The following CHD9 variants were observed in gnomAD, a reference collection of about 807,000 sequenced individuals.
The protein encoded by CHD9 is ATP-dependent chromatin remodeler CHD9.
A neutral mutation model predicts 316.1 loss-of-function variants in CHD9; 77 were observed. The ratio of observed to expected loss-of-function variants is 0.24; its 90% CI spans 0.20 to 0.29. The LOEUF (loss-of-function observed/expected upper bound fraction) is 0.29. CHD9 is among the 10% of genes least tolerant of loss of function. The pLI is 1.00. For missense variants in CHD9, 2,763 were observed against 3,438.1 expected, an observed-to-expected ratio of 0.80 and a Z score of 4.91; for synonymous variants, 1,129 against 1,158.3, an observed-to-expected ratio of 0.97 and a Z score of 0.51.
At chr16:53,254,114 T>C (rs1318106574) in intron 17 of CHD9, among the ~76,000 whole-genome samples, 2 of 152,032 alleles carry the variant, frequency 1.3e-5, no homozygotes, top group Admixed American at 1.3e-4. Flanking sequence ...GAGGCGGAGG[T>C]TGCAGTGAGC....
chr16:53,208,727 CTG>C lies in CHD9; in HGVS notation c.1453-752_1453-751del, dbSNP rs1187544097. On this transcript the variant is annotated intron_variant, in intron 2 of 38. Coordinates refer to ENST00000447540, the MANE Select transcript of CHD9 (RefSeq NM_001308319.2). Reference sequence around the variant, plus strand: ...GTTTACGGGTAAGAACATAACAAAACTGTGATCTAAGTATATGTGGATGAATG... The same window carrying C: ...GTTTACGGGTAAGAACATAACAAAACTGATCTAAGTATATGTGGATGAATG... The C allele has an allele frequency of 3.0e-6, 3 of 985,294 alleles. No homozygotes were observed. The African/African-American group carries it at 5.2e-5, about 17-fold the overall frequency. The allele number at this position is 985,294 out of a possible 1,614,324, so 61.0% of individuals were successfully genotyped here. A position where few individuals can be genotyped will look rare whatever the true frequency, so the allele number is the denominator to read the frequency against.
rs2153080763 is a variant in CHD9 at position 53,303,946 on chromosome 16, C to T, written c.5940C>T (p.Ser1980=). 1.9e-6 allele frequency: 3 copies of T among 1,613,976 alleles called. No homozygotes were observed. The highest frequency in any genetic ancestry group is 1.7e-6 in the Non-Finnish European group (2 of 1,179,886). ...TTGGTGCTGCCAAACACGGGGTGAG[C>T]CGAACAGACTATCACATTCTTCGTG... The part of the protein sequence containing the change: ...LLIGAAKHGV[S]RTDYHILRDP... Residue 1980 remains serine (S), a synonymous_variant, in exon 31 of 39, where the codon AGC becomes AGT. Transcript: ENST00000447540.
At chr16:53,218,803 A>C (rs1016660364) in intron 3 of CHD9, among the ~76,000 whole-genome samples, 2 of 152,172 alleles carry the variant, frequency 1.3e-5, no homozygotes, top group Non-Finnish European at 2.9e-5. Flanking sequence ...TTGTTATTTA[A>C]ACAACTACAC....
At chr16:53,207,295 C>G (rs1378280153) in intron 2 of CHD9, among the ~76,000 whole-genome samples, 6 of 152,104 alleles carry the variant, frequency 3.9e-5, no homozygotes, top group African/African-American at 1.4e-4. Flanking sequence ...TTCAAGTTGA[C>G]TTGCTATGGA....
chr16:53,159,544 T>C (rs1410570602), intron 2 of CHD9, among the ~76,000 whole-genome samples: 2 of 152,232 alleles, frequency 1.3e-5, no homozygotes, highest in East Asian at 3.8e-4. Context: ...TTTTTCATTT[T>C]AAAGCCTTGA....
chr16:53,267,625 A>G (rs1301831196), intron 21 of CHD9, 135 bp downstream of exon 21: 7 of 669,836 alleles, frequency 1.0e-5, no homozygotes, highest in African/African-American at 3.7e-5. Context: ...TATTTTTAGC[A>G]TATATTTAAG....
intron 24 of CHD9, among the ~76,000 whole-genome samples, chr16:53,284,067 A>T (rs575162487): frequency 6.6e-6 from 1 of 152,118 alleles, no homozygotes; most frequent in Admixed American, 6.6e-5. Flanking sequence ...TAAAAATTTG[A>T]GTTTCCAAAG....
At chr16:53,238,821 A>G (rs896701198) in intron 12 of CHD9, among the ~76,000 whole-genome samples, 4 of 152,198 alleles carry the variant, frequency 2.6e-5, no homozygotes, top group African/African-American at 4.8e-5. Flanking sequence ...GATTTAAACA[A>G]TGCACGAGTT....
At chr16:53,319,741 A>G in intron 37 of CHD9, 1 of 785,862 alleles carries the variant, frequency 1.3e-6, no homozygotes, top group South Asian at 2.0e-5. Context: ...TAATTATTGT[A>G]ACTTCATGAG....
At chr16:53,170,049 G>GTTTTTTTTTTTTT (rs1402669050) in intron 2 of CHD9, among the ~76,000 whole-genome samples, 4 of 127,728 alleles carry the variant, frequency 3.1e-5, no homozygotes, top group African/African-American at 8.3e-5. Context: ...GTTTTTTTTT[G>GTTTTTTTTTTTTT]TTTTTTTTTG....
intron 17 of CHD9, 66 bp from the exon 18 acceptor site, chr16:53,254,368 CCATA>C: frequency 9.2e-7 from 1 of 1,092,022 alleles, no homozygotes; most frequent in African/African-American, 1.6e-5. Flanking sequence ...TGTTTATATG[CCATA>C]CATATAGTTT....
chr16:53,176,643 A>C (rs1198749481), intron 2 of CHD9, among the ~76,000 whole-genome samples: 1 of 152,172 alleles, frequency 6.6e-6, no homozygotes, highest in Non-Finnish European at 1.5e-5. Flanking sequence ...CTATTTGAGT[A>C]CCTTTCTTTT....
intron 38 of CHD9, among the ~76,000 whole-genome samples, chr16:53,323,423 G>A (rs1167855644): frequency 1.3e-5 from 2 of 152,152 alleles, no homozygotes; most frequent in Non-Finnish European, 2.9e-5. Flanking sequence ...GAAAATCATG[G>A]GAGAATTACA....
At chr16:53,308,612 A>G (rs2056197264) in intron 33 of CHD9, 74 bp from the exon 34 acceptor site, 2 of 1,129,580 alleles carry the variant, frequency 1.8e-6, no homozygotes, top group Admixed American at 2.2e-5. Context: ...TCCTCAGTAA[A>G]AAAATTCTCT....
intron 17 of CHD9, among the ~76,000 whole-genome samples, chr16:53,254,132 G>T (rs1030056172): frequency 1.3e-5 from 2 of 152,054 alleles, no homozygotes; most frequent in Non-Finnish European, 2.9e-5. Context: ...AGCCAAGATC[G>T]CACGACTGCA....
In CHD9 at chr16:53,325,515, T is replaced by C. The variant is rs2057511818; in HGVS notation, c.*620T>C. 1 of 152,612 alleles carries C rather than the reference T, an allele frequency of 6.6e-6. No individual in the cohort carries two copies. Among genetic ancestry groups the C allele is most frequent in the Non-Finnish European group, 1.5e-5 (1 of 68,028 alleles). The allele number at this position is 152,612 out of a possible 1,614,324, so 9.5% of individuals were successfully genotyped here. On this transcript the variant is annotated 3_prime_UTR_variant, in exon 39 of 39. Transcript: ENST00000447540. ...AGTTAGTTTAGGAAGTTTACATTCG[T>C]TTCTAATTCTATACTTGTTTTCAGG...
intron 1 of CHD9, among the ~76,000 whole-genome samples, chr16:53,151,167 C>CTT (rs1567381427): frequency 6.6e-6 from 1 of 150,796 alleles, no homozygotes; most frequent in Non-Finnish European, 1.5e-5. Context: ...CTTCATTTTT[C>CTT]TTTCTTTTTC....
chr16:53,321,011 A>G (rs1346232446), intron 37 of CHD9, among the ~76,000 whole-genome samples: 1 of 152,202 alleles, frequency 6.6e-6, no homozygotes, highest in Non-Finnish European at 1.5e-5. Flanking sequence ...GAACTAAAAT[A>G]AAGTTTACAT....
intron 17 of CHD9, 123 bp from the exon 18 acceptor site, chr16:53,254,315 G>A (rs182560113): frequency 3.3e-4 from 189 of 569,106 alleles, no homozygotes; most frequent in African/African-American, 3.0e-3. Flanking sequence ...CTAGAAAAAG[G>A]TTATATCTAA....
Sources: allele counts gnomAD v4.1 joint callset (sites outside exome capture counted in the v4.1 genomes callset), GRCh38; gene constraint gnomAD v4.1.1; transcripts MANE v1.5; gene names NCBI Gene and HGNC (gene_info 2026-07-23, HGNC 2026-07-21).